ARHGAP29: variants seen among roughly 807,000 people sequenced by gnomAD.
ARHGAP29 encodes the protein Rho GTPase activating protein 29.
ARHGAP29 carries 43 observed loss-of-function variants against 122.6 expected under a neutral mutation model. That is an observed-to-expected ratio of 0.35 (90% CI 0.27 to 0.45). ARHGAP29 has a LOEUF of 0.45. ARHGAP29 is among the 20% of genes least tolerant of loss of function. The pLI, the probability that ARHGAP29 is intolerant of heterozygous loss-of-function variation, is 1.00. For missense variants in ARHGAP29, 1,303 were observed against 1,477.2 expected, an observed-to-expected ratio of 0.88 and a Z score of 1.93; for synonymous variants, 506 against 497.1, an observed-to-expected ratio of 1.02 and a Z score of -0.24.
intron 12 of ARHGAP29, 140 bp from the exon 13 acceptor site, chr1:94,190,223 T>C (rs1052497094): frequency 1.2e-6 from 1 of 806,884 alleles, no homozygotes; most frequent in South Asian, 2.6e-5. Context: ...GAACATACTA[T>C]GATGCCTGAT....
At chr1:94,267,739 TA>T (rs1381571927) in intron 1 of ARHGAP29, among the ~76,000 whole-genome samples, 4 of 152,114 alleles carry the variant, frequency 2.6e-5, no homozygotes, top group Non-Finnish European at 5.9e-5. Context: ...GTAAATTACA[TA>T]ACTTTTCCAA....
At chr1:94,279,167 A>G (rs1456826314), upstream of ARHGAP29, among the ~76,000 whole-genome samples, 1 of 152,166 alleles carries the variant, frequency 6.6e-6, no homozygotes, top group Non-Finnish European at 1.5e-5. Context: ...TTGTCCATTA[A>G]CATGGTGGTT....
At position 94,172,529 on chromosome 1, in the gene ARHGAP29, ATGGTT is replaced by A. The variant is rs1480879708; in HGVS notation, c.*1335_*1339del. The A allele has an allele frequency of 6.6e-6, 1 of 151,800 alleles. No homozygotes were observed. Among genetic ancestry groups the A allele is most frequent in the African/African-American group, 2.4e-5 (1 of 41,354 alleles). 9.4% of individuals were successfully genotyped at this position (151,800 alleles called of 1,614,324 possible). A position where few individuals can be genotyped will look rare whatever the true frequency, so the allele number is the denominator to read the frequency against. ...ATCCTAGGTGTTGACTTCTAAGCCA[ATGGTT>A]AATAACCTTAAACTCTCATACTGTA... On this transcript the variant is annotated 3_prime_UTR_variant, in exon 23 of 23. Coordinates refer to ENST00000260526, the MANE Select transcript of ARHGAP29 (RefSeq NM_004815.4).
At chr1:94,213,210 C>T (rs1478650135) in intron 3 of ARHGAP29, among the ~76,000 whole-genome samples, 11 of 152,134 alleles carry the variant, frequency 7.2e-5, no homozygotes, top group South Asian at 2.1e-4. Context: ...GACAGAGTCT[C>T]GCTCTGTCGC....
intron 9 of ARHGAP29, 21 bp downstream of exon 9, chr1:94,203,079 T>C (rs1557858114): frequency 6.2e-7 from 1 of 1,600,604 alleles, no homozygotes; most frequent in East Asian, 2.2e-5. Context: ...AAGTGCATTA[T>C]ACATATAAAT....
At chr1:94,213,423 CT>C (rs1651777191) in intron 3 of ARHGAP29, among the ~76,000 whole-genome samples, 2 of 152,204 alleles carry the variant, frequency 1.3e-5, no homozygotes, top group African/African-American at 4.8e-5. Flanking sequence ...ACCTCGTGAT[CT>C]GCCCGCCTCG....
At position 94,255,984 on chromosome 1, in the gene ARHGAP29, A is replaced by T. The variant is rs554873541; in HGVS notation, c.-33+19028T>A. Among the ~76,000 whole-genome samples the T allele has an allele frequency of 6.6e-5, 10 of 152,370 alleles. No individual in the cohort carries two copies. In the South Asian group the frequency reaches 2.1e-3, roughly 32 times the overall value. On this transcript the variant is annotated intron_variant and NMD_transcript_variant, in intron 1 of 25. Transcript: ENST00000552844. ...TTTTGGTTCTATAACATTTCACAGT[A>T]CACAAAGCTCTGCTACACACATTAA... is the stretch of plus-strand genomic sequence containing the variant.
At chr1:94,202,844 G>A (rs1209698038) in intron 10 of ARHGAP29, 74 bp downstream of exon 10, 1 of 1,538,576 alleles carries the variant, frequency 6.5e-7, no homozygotes, top group Non-Finnish European at 8.8e-7. Context: ...ATGAGAGCAA[G>A]GAAGGTCAGT....
chr1:94,192,606 C>CT (rs1650189386), intron 12 of ARHGAP29: 1 of 152,216 alleles, frequency 6.6e-6, no homozygotes, highest in East Asian at 1.9e-4. Flanking sequence ...TGCCAAAACT[C>CT]TGATGGAAAT....
At chr1:94,286,003 T>C in the ARHGAP29 span, among the ~76,000 whole-genome samples, 6 of 151,818 alleles carry the variant, frequency 4.0e-5, no homozygotes, top group Non-Finnish European at 8.8e-5. Flanking sequence ...CAGCAAGTAA[T>C]ACACTGTCTT....
chr1:94,295,205 C>G, the ARHGAP29 span, among the ~76,000 whole-genome samples: 1 of 152,126 alleles, frequency 6.6e-6, no homozygotes, highest in Admixed American at 6.5e-5. Flanking sequence ...TCATCAGCAT[C>G]AGTTATAGGT....
chr1:94,218,722 T>C (rs1279803982), intron 3 of ARHGAP29, among the ~76,000 whole-genome samples: 1 of 152,218 alleles, frequency 6.6e-6, no homozygotes, highest in Non-Finnish European at 1.5e-5. Context: ...AAAAATCATC[T>C]ACATTTTTTT....
At chr1:94,217,272 G>A (rs1652006419) in intron 3 of ARHGAP29, among the ~76,000 whole-genome samples, 1 of 152,148 alleles carries the variant, frequency 6.6e-6, no homozygotes, top group Non-Finnish European at 1.5e-5. Flanking sequence ...GGTGGCTCAT[G>A]CCTGTAATCC....
intron 12 of ARHGAP29, among the ~76,000 whole-genome samples, chr1:94,196,895 G>A (rs538329995): frequency 1.3e-5 from 2 of 152,004 alleles, no homozygotes; most frequent in East Asian, 1.9e-4. Context: ...TGCTTAGAGC[G>A]GAAAATTTAA....
chr1:94,282,309 C>T, the ARHGAP29 span, among the ~76,000 whole-genome samples: 75 of 149,932 alleles, frequency 5.0e-4, no homozygotes, highest in Middle Eastern at 0.01. Flanking sequence ...ATTTTTGAGA[C>T]GAAGTCTCCC....
intron 12 of ARHGAP29, among the ~76,000 whole-genome samples, chr1:94,197,954 C>T (rs12081269): frequency 0.023 from 3,511 of 152,164 alleles, 83 homozygotes; most frequent in African/African-American, 0.055. Flanking sequence ...TCTTCTCTCA[C>T]CACATCTATT....
chr1:94,238,053 ATTTTTTTTTTTTT>A (rs71717670), upstream of ARHGAP29, among the ~76,000 whole-genome samples: 3 of 61,052 alleles, frequency 4.9e-5, no homozygotes, highest in Non-Finnish European at 8.5e-5. Flanking sequence ...GCCTATCTGT[ATTTTTTTTTTTTT>A]TTTTTTTTTT....
the ARHGAP29 span, among the ~76,000 whole-genome samples, chr1:94,287,687 T>C: frequency 2.0e-5 from 3 of 151,964 alleles, no homozygotes; most frequent in Non-Finnish European, 2.9e-5. Flanking sequence ...GTGTGTGATG[T>C]TCCCCACCCT....
At chr1:94,248,929 G>T (rs1227121840) in intron 1 of ARHGAP29, among the ~76,000 whole-genome samples, 1 of 152,162 alleles carries the variant, frequency 6.6e-6, no homozygotes, top group African/African-American at 2.4e-5. Context: ...GCCCAGGCTG[G>T]TCTCAAACTC....
Sources: allele counts gnomAD v4.1 joint callset (sites outside exome capture counted in the v4.1 genomes callset), GRCh38; gene constraint gnomAD v4.1.1; transcripts MANE v1.5; gene names NCBI Gene and HGNC (gene_info 2026-07-23, HGNC 2026-07-21).